PIGM: variants seen among roughly 807,000 people sequenced by gnomAD.
PIGM encodes GPI alpha-1,4-mannosyltransferase I, catalytic subunit.
A neutral mutation model predicts 14.6 loss-of-function variants in PIGM; 7 were observed. That is an observed-to-expected ratio of 0.48 (90% CI 0.27 to 0.90). The LOEUF (loss-of-function observed/expected upper bound fraction) is 0.90, where lower values mean the gene tolerates loss of function less well. Among genes scored for constraint, PIGM ranks in the 40% least tolerant of loss-of-function variants. The pLI is 0.12. For missense variants in PIGM, 506 were observed against 516.2 expected, an observed-to-expected ratio of 0.98 and a Z score of 0.19; for synonymous variants, 216 against 215.9, an observed-to-expected ratio of 1.00 and a Z score of 0.00.
chr1:160,031,405 C>A lies in PIGM; in HGVS notation c.335G>T (p.Arg112Leu), dbSNP rs866960625. 4 of 1,607,910 alleles carry A rather than the reference C, an allele frequency of 2.5e-6. No individual in the cohort carries two copies. The highest frequency in any genetic ancestry group is 3.4e-6 in the Non-Finnish European group (4 of 1,175,288). Residue 112 changes from arginine to leucine, a missense_variant, in exon 1 of 1, where the codon CGC becomes CTC. By Grantham distance (102) the Arg-to-Leu change is moderately radical. Coordinates refer to ENST00000368090, the MANE Select transcript of PIGM (RefSeq NM_145167.3). ...CDLLTAFLLY[R>L]LLLLKGLGRR... is the part of the protein sequence containing the mutation. ...CCCCAGCCCCTTCAGCAGCAGCAGG[C>A]GGTATAAGAGGAAAGCGGTGAGGAG...
Position 160,030,112 on chromosome 1 carries a change from C to CAG in PIGM, c.*354_*355dup, listed in dbSNP as rs1403870278. 4 of 273,148 alleles carry CAG rather than the reference C, an allele frequency of 1.5e-5. No homozygotes were observed. In the Admixed American group the frequency reaches 1.9e-4, roughly 13 times the overall value. The allele number at this position is 273,148 out of a possible 1,614,324, so 16.9% of individuals were successfully genotyped here. On this transcript the variant is annotated 3_prime_UTR_variant, in exon 1 of 1. Coordinates refer to ENST00000368090, the MANE Select transcript of PIGM (RefSeq NM_145167.3). The stretch of plus-strand genomic sequence containing the variant: ...TTAAAAGTTAAGACACAGCTTAAGA[C>CAG]AGAAGCATTGTAAAACAGGAACAAA...
Position 160,030,850 on chromosome 1 carries a change from G to A in PIGM, c.890C>T (p.Pro297Leu), listed in dbSNP as rs370406413. The change falls in exon 1 of 1, where the codon CCA becomes CTA. Residue 297 changes from proline (P) to leucine (L), a missense_variant. Transcript: ENST00000368090. ...CACAGCTGAAAGCAAGATGAGCTGT[G>A]GCAGGAATGCAGCAATTCCCAGGGA... ...SFSLGIAAFL[P>L]QLILLSAVSF... 20 of 1,614,224 alleles carry A rather than the reference G, an allele frequency of 1.2e-5. No individual in the cohort carries two copies. The African/African-American group carries it at 2.1e-4, about 17-fold the overall frequency.
At position 160,029,374 on chromosome 1, in the gene PIGM, A is replaced by G. The variant is rs1267336837; in HGVS notation, c.*1094T>C. On this transcript the variant is annotated 3_prime_UTR_variant, in exon 1 of 1. Transcript: ENST00000368090. The stretch of plus-strand genomic sequence containing the variant: ...AAACAAATACATGAAACATGATTAC[A>G]ATTTAAATTCTTTGGATTATCTTTT... 1.3e-5 allele frequency: 2 copies of G among 150,974 alleles called. No individual in the cohort carries two copies. The highest frequency in any genetic ancestry group is 4.9e-5 in the African/African-American group (2 of 41,042). The allele number at this position is 150,974 out of a possible 1,614,324, so 9.4% of individuals were successfully genotyped here.
At position 160,027,775 on chromosome 1, in the gene PIGM, TA is replaced by T. The variant is rs1454851030; in HGVS notation, c.*2692del. On this transcript the variant is annotated 3_prime_UTR_variant, in exon 1 of 1. Coordinates refer to ENST00000368090, the MANE Select transcript of PIGM (RefSeq NM_145167.3). Reference sequence around the variant, plus strand: ...TTTTTTACATAACCAGAAAACAAATTAAAAAATTAAAATCCCCCAAGAAACC... The same window carrying T: ...TTTTTTACATAACCAGAAAACAAATTAAAAATTAAAATCCCCCAAGAAACC... 1 of 151,828 alleles carries T rather than the reference TA, an allele frequency of 6.6e-6. No homozygotes were observed. Among genetic ancestry groups the T allele is most frequent in the Non-Finnish European group, 1.5e-5 (1 of 67,890 alleles). 9.4% of individuals were successfully genotyped at this position (151,828 alleles called of 1,614,324 possible).
rs1470890134 is a variant in PIGM, at chr1:160,031,566, G to A, written c.174C>T (p.Ala58=). ...AGCGCCCCTCCGTGACGAAGCGCGC[G>A]GCGTCGGTGAAGACCTGGTAGTCGA... ...TDIDYQVFTD[A]ARFVTEGRSP... The change falls in exon 1 of 1, where the codon GCC becomes GCT. Residue 58 remains alanine (A), a synonymous_variant. Coordinates refer to ENST00000368090, the MANE Select transcript of PIGM (RefSeq NM_145167.3). 3 of 1,614,200 alleles carry A rather than the reference G, an allele frequency of 1.9e-6. No individual in the cohort carries two copies. Among genetic ancestry groups the A allele is most frequent in the Non-Finnish European group, 1.7e-6 (2 of 1,180,030 alleles).
In PIGM at chr1:160,031,867, T is replaced by G. The variant is rs144829021; in HGVS notation, c.-128A>C. 7.8e-3 allele frequency: 8,648 copies of G among 1,102,286 alleles called. 64 individuals are homozygous for G. Among genetic ancestry groups the G allele is most frequent in the Non-Finnish European group, 1.0e-2 (7,349 of 735,610 alleles). 68.3% of individuals were successfully genotyped at this position (1,102,286 alleles called of 1,614,324 possible). A position where few individuals can be genotyped will look rare whatever the true frequency, so the allele number is the denominator to read the frequency against. On this transcript the variant is annotated 5_prime_UTR_variant, in exon 1 of 1. Coordinates refer to ENST00000368090, the MANE Select transcript of PIGM (RefSeq NM_145167.3). ...CCGCCAGGCTGCCAACCGAAACGACTGCAGACTATCACATCCGGCATGAAG... is the reference window on the plus strand; with the variant it reads ...CCGCCAGGCTGCCAACCGAAACGACGGCAGACTATCACATCCGGCATGAAG...
rs774511799 is a variant in PIGM, at chr1:160,031,103, C to T, written c.637G>A (p.Ala213Thr). 2 of 1,613,912 alleles carry T rather than the reference C, an allele frequency of 1.2e-6. No homozygotes were observed. The highest frequency in any genetic ancestry group is 3.3e-5 in the Admixed American group (2 of 59,980). The change falls in exon 1 of 1, where the codon GCT becomes ACT. Residue 213 changes from alanine to threonine, a missense_variant. Physicochemically the swap from Ala to Thr is moderately conservative, Grantham distance 58. Transcript: ENST00000368090. ...CTTTTCAGGAGCTCGTACAAACAAG[C>T]CTGGAAAGTGTACCGGAATTGACGG... Reference protein sequence around the residue: ...SLRQFRYTFQACLYELLKRLC... With the variant: ...SLRQFRYTFQTCLYELLKRLC...
At position 160,031,603 on chromosome 1, in the gene PIGM, C is replaced by G. The variant is rs759956537; in HGVS notation, c.137G>C (p.Arg46Thr). 6.2e-7 allele frequency: 1 copy of G among 1,614,020 alleles called. No individual in the cohort carries two copies. The change falls in exon 1 of 1, where the codon AGG (arginine) becomes ACG (threonine). Residue 46 changes from arginine (R) to threonine (T), a missense_variant. By Grantham distance (71) the Arg-to-Thr change is moderately conservative (BLOSUM62 -1). Transcript: ENST00000368090. The stretch of plus-strand genomic sequence containing the variant: ...GACCTGGTAGTCGATGTCCGTATAC[C>G]TCACGTGCAGGGTCCGGTCCTGGAA... ...GVFQDRTLHV[R>T]YTDIDYQVFT...
In PIGM at chr1:160,031,427, G is replaced by A. The variant is rs775170163; in HGVS notation, c.313C>T (p.Leu105Phe). 3 of 1,610,868 alleles carry A rather than the reference G, an allele frequency of 1.9e-6. No homozygotes were observed. Among genetic ancestry groups the A allele is most frequent in the East Asian group, 4.5e-5 (2 of 44,782 alleles). The change falls in exon 1 of 1, where the codon CTC becomes TTC. Residue 105 changes from leucine to phenylalanine, a missense_variant. Transcript: ENST00000368090. The part of the protein sequence containing the change: ...GKFLFISCDL[L>F]TAFLLYRLLL... Reference sequence around the variant, plus strand: ...AGGCGGTATAAGAGGAAAGCGGTGAGGAGGTCGCAGCTGATGAAGAGAAAC... The same window carrying A: ...AGGCGGTATAAGAGGAAAGCGGTGAAGAGGTCGCAGCTGATGAAGAGAAAC...
Position 160,025,182 on chromosome 1 carries a change from C to A in PIGM, c.*5286G>T, listed in dbSNP as rs1009418411. 3.3e-5 allele frequency: 5 copies of A among 152,202 alleles called. No individual in the cohort carries two copies. Among genetic ancestry groups the A allele is most frequent in the African/African-American group, 1.2e-4 (5 of 41,460 alleles). 9.4% of individuals were successfully genotyped at this position (152,202 alleles called of 1,614,324 possible). A position where few individuals can be genotyped will look rare whatever the true frequency, so the allele number is the denominator to read the frequency against. Reference sequence around the variant, plus strand: ...GCCAGCATGCACACTTTGAGCATATCAACTCACTTAATCCTTACCAACAAT... The same window carrying A: ...GCCAGCATGCACACTTTGAGCATATAAACTCACTTAATCCTTACCAACAAT... On this transcript the variant is annotated 3_prime_UTR_variant, in exon 1 of 1. Transcript: ENST00000368090.
In PIGM at chr1:160,030,744, G is replaced by A. The variant is rs1648302407; in HGVS notation, c.996C>T (p.Thr332=). 6.2e-7 allele frequency: 1 copy of A among 1,614,054 alleles called. No individual in the cohort carries two copies. The highest frequency in any genetic ancestry group is 1.7e-5 in the Admixed American group (1 of 60,006). Residue 332 remains threonine, a synonymous_variant, in exon 1 of 1, where the codon ACC becomes ACT. Transcript: ENST00000368090. Reference sequence around the variant, plus strand: ...AGAGGTACCAAAGAAAGTACTGGGAGGTGCAGACTTTGTTAAAAGTCACAA... The same window carrying A: ...AGAGGTACCAAAGAAAGTACTGGGAAGTGCAGACTTTGTTAAAAGTCACAA... ...SIFVTFNKVC[T]SQYFLWYLCL...
At position 160,030,246 on chromosome 1, in the gene PIGM, C is replaced by G; in HGVS notation, c.*222G>C. The G allele has an allele frequency of 2.0e-6, 1 of 503,984 alleles. No homozygotes were observed. The highest frequency in any genetic ancestry group is 3.6e-6 in the Non-Finnish European group (1 of 277,704). The allele number at this position is 503,984 out of a possible 1,614,324, so 31.2% of individuals were successfully genotyped here. ...TTTTCCAATATGTGACCTTTATTCC[C>G]ACCATGTCCCAAATAAACGAGTCCT... On this transcript the variant is annotated 3_prime_UTR_variant, in exon 1 of 1. Coordinates refer to ENST00000368090, the MANE Select transcript of PIGM (RefSeq NM_145167.3).
Position 160,031,172 on chromosome 1 carries a change from T to C in PIGM, c.568A>G (p.Ile190Val), listed in dbSNP as rs751223203. Reference protein sequence around the residue: ...KIYPVTYILPITLHLLPDRDN... With the variant: ...KIYPVTYILPVTLHLLPDRDN... ...CGATCTGGAAGCAGGTGGAGGGTTA[T>C]GGGAAGGATGTAAGTCACTGGATAT... Residue 190 changes from isoleucine (I) to valine (V), a missense_variant, in exon 1 of 1, where the codon ATA becomes GTA. Coordinates refer to ENST00000368090, the MANE Select transcript of PIGM (RefSeq NM_145167.3). 10 of 1,613,974 alleles carry C rather than the reference T, an allele frequency of 6.2e-6. No individual in the cohort carries two copies. Among genetic ancestry groups the C allele is most frequent in the East Asian group, 2.2e-5 (1 of 44,894 alleles).
chr1:160,026,709 T>A lies in PIGM; in HGVS notation c.*3759A>T, dbSNP rs1362483996. On this transcript the variant is annotated 3_prime_UTR_variant, in exon 1 of 1. Transcript: ENST00000368090. ...CAGGCATGGTGGCAAATACCTGTGG[T>A]CCCAGCTACTTGGGAGGCTGAGGAG... 1 of 152,096 alleles carries A rather than the reference T, an allele frequency of 6.6e-6. No homozygotes were observed. The highest frequency in any genetic ancestry group is 1.5e-5 in the Non-Finnish European group (1 of 68,036). 9.4% of individuals were successfully genotyped at this position (152,096 alleles called of 1,614,324 possible).
Position 160,031,232 on chromosome 1 carries a change from C to T in PIGM, c.508G>A (p.Ala170Thr), listed in dbSNP as rs1042277164. ...TGCACCGCGAAACCATAGAATACAGCTGCACACGCGACGAGTCTTTTCTTT... is the reference window on the plus strand; with the variant it reads ...TGCACCGCGAAACCATAGAATACAGTTGCACACGCGACGAGTCTTTTCTTT... ...LIKKRLVACAAVFYGFAVHMK... is the reference protein window; with the variant it reads ...LIKKRLVACATVFYGFAVHMK... The change falls in exon 1 of 1, where the codon GCT becomes ACT. Residue 170 changes from alanine to threonine, a missense_variant. Physicochemically the swap from Ala to Thr is moderately conservative, Grantham distance 58. Coordinates refer to ENST00000368090, the MANE Select transcript of PIGM (RefSeq NM_145167.3). 6.2e-7 allele frequency: 1 copy of T among 1,614,190 alleles called. No homozygotes were observed. The highest frequency in any genetic ancestry group is 8.5e-7 in the Non-Finnish European group (1 of 1,180,044).
Position 160,030,639 on chromosome 1 carries a change from CCCT to C in PIGM, c.1098_1100del (p.Ile366_Gly367delinsMet). 1 of 1,614,180 alleles carries C rather than the reference CCCT, an allele frequency of 6.2e-7. No individual in the cohort carries two copies. The highest frequency in any genetic ancestry group is 8.5e-7 in the Non-Finnish European group (1 of 1,180,024). On this transcript the variant is annotated inframe_deletion, in exon 1 of 1. Coordinates refer to ENST00000368090, the MANE Select transcript of PIGM (RefSeq NM_145167.3). ...AGGCAGGAGCCAGCCACATGGCCTG[CCCT>C]ATAAACCATAACATTAGGAGAACTA...
rs971822522 is a variant in PIGM, at chr1:160,027,936, G to A, written c.*2532C>T. On this transcript the variant is annotated 3_prime_UTR_variant, in exon 1 of 1. Coordinates refer to ENST00000368090, the MANE Select transcript of PIGM (RefSeq NM_145167.3). ...TCTTGCAGGAAAGATTCCAAAGTTTGAAGTTCCCTCCAACGATCCCAGCAG... is the reference window on the plus strand; with the variant it reads ...TCTTGCAGGAAAGATTCCAAAGTTTAAAGTTCCCTCCAACGATCCCAGCAG... 1 of 152,142 alleles carries A rather than the reference G, an allele frequency of 6.6e-6. No homozygotes were observed. Among genetic ancestry groups the A allele is most frequent in the Non-Finnish European group, 1.5e-5 (1 of 68,012 alleles). 9.4% of individuals were successfully genotyped at this position (152,142 alleles called of 1,614,324 possible). A position where few individuals can be genotyped will look rare whatever the true frequency, so the allele number is the denominator to read the frequency against.
rs185380440 is a variant in PIGM, at chr1:160,031,600, T to C, written c.140A>G (p.Tyr47Cys). ...VFQDRTLHVR[Y>C]TDIDYQVFTD... Reference sequence around the variant, plus strand: ...GAAGACCTGGTAGTCGATGTCCGTATACCTCACGTGCAGGGTCCGGTCCTG... The same window carrying C: ...GAAGACCTGGTAGTCGATGTCCGTACACCTCACGTGCAGGGTCCGGTCCTG... The change falls in exon 1 of 1, where the codon TAT (tyrosine) becomes TGT (cysteine). Residue 47 changes from tyrosine (Y) to cysteine (C), a missense_variant. Tyr to Cys is a radical substitution (Grantham distance 194, BLOSUM62 -2). Transcript: ENST00000368090. The C allele has an allele frequency of 1.9e-6, 3 of 1,614,132 alleles. No individual in the cohort carries two copies. The highest frequency in any genetic ancestry group is 2.2e-5 in the East Asian group (1 of 44,880).
Position 160,030,521 on chromosome 1 carries a change from T to C in PIGM, c.1219A>G (p.Ile407Val). Residue 407 changes from isoleucine (I) to valine (V), a missense_variant, in exon 1 of 1, where the codon ATT becomes GTT. Physicochemically the swap from Ile to Val is conservative, Grantham distance 29. Transcript: ENST00000368090. Reference sequence around the variant, plus strand: ...GGTTCTTCTTTGTAATGGGAAATAATTTGAATCAGGATGGAACAATTGATA... The same window carrying C: ...GGTTCTTCTTTGTAATGGGAAATAACTTGAATCAGGATGGAACAATTGATA... ...LLINCSILIQ[I>V]ISHYKEEPLT... 6.2e-7 allele frequency: 1 copy of C among 1,613,810 alleles called. No individual in the cohort carries two copies. Among genetic ancestry groups the C allele is most frequent in the South Asian group, 1.1e-5 (1 of 91,062 alleles).
Sources: gnomAD v4.1 joint callset for allele counts on GRCh38, gnomAD v4.1.1 for gene constraint, MANE v1.5 for transcripts, NCBI Gene and HGNC (gene_info 2026-07-23, HGNC 2026-07-21) for gene names.